JAKMIP3: variants seen among roughly 807,000 people sequenced by gnomAD.
JAKMIP3 encodes the protein Janus kinase and microtubule interacting protein 3.
In JAKMIP3, 58 loss-of-function variants were observed where a neutral mutation model predicts 118.5. The ratio of observed to expected loss-of-function variants is 0.49; its 90% confidence interval spans 0.40 to 0.61. The LOEUF (loss-of-function observed/expected upper bound fraction) is 0.61, where lower values mean the gene tolerates loss of function less well. Ranked by LOEUF, JAKMIP3 falls within the 20% of genes least tolerant of loss-of-function variation. The pLI, the probability that JAKMIP3 is intolerant of heterozygous loss-of-function variation, is 0.00. For missense variants in JAKMIP3, 950 were observed against 1,109.0 expected, an observed-to-expected ratio of 0.86 and a Z score of 2.04; for synonymous variants, 486 against 451.2, an observed-to-expected ratio of 1.08 and a Z score of -0.98.
At chr10:132,140,707 C>T (rs996950514) in intron 10 of JAKMIP3, 128 bp downstream of exon 10, 77 of 1,414,146 alleles carry the variant, frequency 5.4e-5, no homozygotes, top group Middle Eastern at 5.2e-4. Flanking sequence ...CATGGGCTGC[C>T]GGCTTTTCAC....
Position 132,135,126 on chromosome 10 carries a change from G to T in JAKMIP3, c.935G>T (p.Arg312Leu). The T allele has an allele frequency of 1.2e-6, 2 of 1,612,648 alleles. No individual in the cohort carries two copies. Among genetic ancestry groups the T allele is most frequent in the Non-Finnish European group, 1.7e-6 (2 of 1,179,038 alleles). Residue 312 changes from arginine (R) to leucine (L), a missense_variant, in exon 5 of 24, where the codon CGC becomes CTC. Coordinates refer to ENST00000684848, the MANE Select transcript of JAKMIP3 (RefSeq NM_001323087.2). The stretch of plus-strand genomic sequence containing the variant: ...GCGATTATCCGCAAACTGGAGGACC[G>T]CAATGCATTGCTGTCGGAAGAGAGG... ...LSAIIRKLED[R>L]NALLSEERNE...
chr10:132,089,081 A>G (rs2134369692), intron 1 of JAKMIP3, among the ~76,000 whole-genome samples: 1 of 152,230 alleles, frequency 6.6e-6, no homozygotes, highest in Non-Finnish European at 1.5e-5. Flanking sequence ...CTGTTTTGGT[A>G]CCAGTACCAT....
chr10:132,113,042 A>G (rs1251417751), intron 2 of JAKMIP3, among the ~76,000 whole-genome samples: 2 of 152,174 alleles, frequency 1.3e-5, no homozygotes, highest in African/African-American at 2.4e-5. Context: ...ACACCTACCT[A>G]GTGACCAGGA....
chr10:132,135,997 G>A lies in JAKMIP3; in HGVS notation c.1037G>A (p.Arg346Gln), dbSNP rs766118756. ...CTGGATAAAAACAAGCGCCTCAGTC[G>A]GAAGAACGAGGATTTGTCTCATGCT... The part of the protein sequence containing the change: ...PLLDKNKRLS[R>Q]KNEDLSHALR... Residue 346 changes from arginine (R) to glutamine (Q), a missense_variant, in exon 6 of 24, where the codon CGG (arginine) becomes CAG (glutamine). Transcript: ENST00000684848. 2.3e-5 allele frequency: 37 copies of A among 1,613,416 alleles called. No homozygotes were observed. Among genetic ancestry groups the A allele is most frequent in the Middle Eastern group, 1.6e-4 (1 of 6,084 alleles).
At chr10:132,159,876 G>A (rs868588227) in intron 19 of JAKMIP3, among the ~76,000 whole-genome samples, 1 of 56,220 alleles carries the variant, frequency 1.8e-5, no homozygotes, top group Non-Finnish European at 3.4e-5. Flanking sequence ...TGCTGGGGGG[G>A]TCTCTTCCTG....
chr10:132,043,293 C>T (rs1244373990), intron 1 of JAKMIP3, among the ~76,000 whole-genome samples: 1 of 152,084 alleles, frequency 6.6e-6, no homozygotes, highest in Non-Finnish European at 1.5e-5. Flanking sequence ...CAGCCTTGAC[C>T]TCCCAGGCTC....
intron 1 of JAKMIP3, among the ~76,000 whole-genome samples, chr10:132,097,509 T>C (rs545807137): frequency 6.6e-6 from 1 of 152,138 alleles, no homozygotes; most frequent in South Asian, 2.1e-4. Context: ...AATTATGTAG[T>C]TGGGGAGCAG....
chr10:132,147,775 A>G (rs1283612818), intron 13 of JAKMIP3, among the ~76,000 whole-genome samples, 177 bp from the exon 14 acceptor site: 1 of 152,224 alleles, frequency 6.6e-6, no homozygotes. Context: ...TGGCTAGGCT[A>G]TCTCACTAGG....
At chr10:132,106,451 C>A (rs1385301553) in intron 2 of JAKMIP3, among the ~76,000 whole-genome samples, 1 of 152,226 alleles carries the variant, frequency 6.6e-6, no homozygotes, top group Non-Finnish European at 1.5e-5. Context: ...GGCCCCGCCC[C>A]CGTTCCTCCC....
At chr10:132,037,399 A>C (rs1216037790) in intron 1 of JAKMIP3, among the ~76,000 whole-genome samples, 1 of 151,974 alleles carries the variant, frequency 6.6e-6, no homozygotes, top group African/African-American at 2.4e-5. Flanking sequence ...CTGTCTGCAA[A>C]TGTAAGAAAT....
chr10:132,123,826 G>T (rs897264793), intron 3 of JAKMIP3, among the ~76,000 whole-genome samples: 1 of 152,148 alleles, frequency 6.6e-6, no homozygotes, highest in African/African-American at 2.4e-5. Context: ...CGGCTTCTGG[G>T]GCCAAAGCCT....
rs755866881 is a variant in JAKMIP3, at chr10:132,104,821, G to A, written c.13G>A (p.Gly5Ser). ...ATCCAGCCTCACCATGTCCAAGAGG[G>A]GCATGAGCAGCCGGGCCAAGGGGGA... MSKR[G>S]MSSRAKGDKA... The change falls in exon 2 of 24, where the codon GGC becomes AGC. Residue 5 changes from glycine to serine, a missense_variant. Gly to Ser is a moderately conservative substitution (Grantham distance 56). Transcript: ENST00000684848. The A allele has an allele frequency of 9.7e-6, 15 of 1,552,128 alleles. No homozygotes were observed. Among genetic ancestry groups the A allele is most frequent in the Non-Finnish European group, 1.3e-5 (15 of 1,147,672 alleles).
chr10:132,043,501 G>T (rs968113343), intron 1 of JAKMIP3, among the ~76,000 whole-genome samples: 1 of 152,168 alleles, frequency 6.6e-6, no homozygotes, highest in Admixed American at 6.5e-5. Flanking sequence ...AGAGAATCCA[G>T]GGGGAAACGG....
At position 132,136,484 on chromosome 10, in the gene JAKMIP3, C is replaced by T. The variant is rs551934024; in HGVS notation, c.1116+408C>T. ...AGTCGGGGGCAGGGAGTCTCTGCTC[C>T]GCCAAGGCCATGAGCCAGGAGTGGG... is the stretch of plus-strand genomic sequence containing the variant. On this transcript the variant is annotated intron_variant, in intron 6 of 23. Coordinates refer to ENST00000684848, the MANE Select transcript of JAKMIP3 (RefSeq NM_001323087.2). 1.9e-4 allele frequency among the ~76,000 whole-genome samples: 29 copies of T among 152,176 alleles called. No individual in the cohort carries two copies. The East Asian group carries it at 2.3e-3, about 12-fold the overall frequency.
chr10:132,111,418 A>G (rs929193055), intron 2 of JAKMIP3, among the ~76,000 whole-genome samples: 2 of 152,118 alleles, frequency 1.3e-5, no homozygotes, highest in Admixed American at 1.3e-4. Context: ...GCCCAGGTAG[A>G]CATGGGGTGA....
At chr10:132,139,006 G>A (rs866604617) in intron 9 of JAKMIP3, among the ~76,000 whole-genome samples, 6 of 152,140 alleles carry the variant, frequency 3.9e-5, no homozygotes, top group Middle Eastern at 3.2e-3. Flanking sequence ...GGAGGCTTTG[G>A]AGCAGCTGCC....
chr10:132,066,416 G>A (rs1481440432), intron 1 of JAKMIP3, among the ~76,000 whole-genome samples: 1 of 152,206 alleles, frequency 6.6e-6, no homozygotes, highest in African/African-American at 2.4e-5. Flanking sequence ...GCCAGGCTGA[G>A]TCTGTGTATT....
chr10:132,104,976 T>A (rs1223147145), intron 2 of JAKMIP3, 33 bp downstream of exon 2: 1 of 1,564,544 alleles, frequency 6.4e-7, no homozygotes, highest in South Asian at 1.2e-5. Context: ...CCCTTGAATG[T>A]CCCTCCCTCC....
Position 132,137,153 on chromosome 10 carries a change from A to G in JAKMIP3, c.1248+3A>G. On this transcript the variant is annotated splice_donor_region_variant and intron_variant, in intron 7 of 23. Coordinates refer to ENST00000684848, the MANE Select transcript of JAKMIP3 (RefSeq NM_001323087.2). ...ACCTCATAGATGAACTGTCTAAGGT[A>G]CCCGGCGGGCTGTTTGCTGCGGCCC... The G allele has an allele frequency of 6.2e-7, 1 of 1,613,806 alleles. No homozygotes were observed. Among genetic ancestry groups the G allele is most frequent in the Non-Finnish European group, 8.5e-7 (1 of 1,179,778 alleles).
Sources: allele counts gnomAD v4.1 joint callset (sites outside exome capture counted in the v4.1 genomes callset), GRCh38; gene constraint gnomAD v4.1.1; transcripts MANE v1.5; gene names NCBI Gene and HGNC (gene_info 2026-07-23, HGNC 2026-07-21).